The following KHDRBS2 variants were observed in gnomAD, a reference collection of about 807,000 sequenced individuals.
The protein encoded by KHDRBS2 is KH RNA binding domain containing, signal transduction associated 2.
In KHDRBS2, 26 loss-of-function variants were observed where a neutral mutation model predicts 44.3. The ratio of observed to expected loss-of-function variants is 0.59; its 90% CI spans 0.43 to 0.81. The LOEUF (loss-of-function observed/expected upper bound fraction) is 0.81, where lower values mean the gene tolerates loss of function less well. Ranked by LOEUF, KHDRBS2 falls within the 40% of genes least tolerant of loss-of-function variation. KHDRBS2 has a pLI of 0.00. For missense variants in KHDRBS2, 476 were observed against 433.1 expected (o/e 1.10, Z -0.88); for synonymous variants, 194 against 151.1 (o/e 1.28, Z -2.08).
At chr6:61,992,485 G>C (rs922651911) in intron 3 of KHDRBS2, among the ~76,000 whole-genome samples, 1 of 152,200 alleles carries the variant, frequency 6.6e-6, no homozygotes, top group Middle Eastern at 3.4e-3. Context: ...TCTTCTAAAT[G>C]ATATTAGTTC....
intron 1 of KHDRBS2, among the ~76,000 whole-genome samples, chr6:62,212,666 C>A (rs2150146107): frequency 6.6e-6 from 1 of 152,232 alleles, no homozygotes; most frequent in South Asian, 2.1e-4. Context: ...GATGCAACTA[C>A]ATGTCAAAGA....
At chr6:61,676,292 T>C (rs1476957471), downstream of KHDRBS2, among the ~76,000 whole-genome samples, 1 of 151,870 alleles carries the variant, frequency 6.6e-6, no homozygotes, top group Non-Finnish European at 1.5e-5. Flanking sequence ...TATAAATGTC[T>C]CTGCTATATA....
At chr6:61,827,791 AGT>A (rs1456773628) in intron 6 of KHDRBS2, among the ~76,000 whole-genome samples, 1 of 152,100 alleles carries the variant, frequency 6.6e-6, no homozygotes, top group East Asian at 1.9e-4. Context: ...CAGGCTCTCT[AGT>A]GTCTCTTCTT....
chr6:62,046,975 T>C (rs1290290273), intron 3 of KHDRBS2, among the ~76,000 whole-genome samples: 1 of 151,964 alleles, frequency 6.6e-6, no homozygotes, highest in Non-Finnish European at 1.5e-5. Flanking sequence ...TTATGTATGA[T>C]ATATTCACCA....
chr6:62,003,943 C>A (rs1207755059), intron 3 of KHDRBS2, among the ~76,000 whole-genome samples: 2 of 152,162 alleles, frequency 1.3e-5, no homozygotes, highest in African/African-American at 2.4e-5. Context: ...TACAGATGTT[C>A]TTTGAAACCA....
intron 3 of KHDRBS2, among the ~76,000 whole-genome samples, chr6:61,994,000 G>A (rs1420185319): frequency 6.6e-6 from 1 of 152,054 alleles, no homozygotes; most frequent in Non-Finnish European, 1.5e-5. Flanking sequence ...AGAAAGTAAA[G>A]TCAAGCCTGA....
chr6:61,577,142 G>GT, the KHDRBS2 span, among the ~76,000 whole-genome samples: 432 of 145,514 alleles, frequency 3.0e-3, 2 homozygotes, highest in African/African-American at 9.1e-3. Flanking sequence ...TGTTTTTTTT[G>GT]TTTTTTTTTT....
At chr6:61,729,773 C>T (rs965911404) in intron 7 of KHDRBS2, among the ~76,000 whole-genome samples, 1 of 151,744 alleles carries the variant, frequency 6.6e-6, no homozygotes, top group African/African-American at 2.4e-5. Context: ...ATTTTTTTGC[C>T]CATTTTTAAA....
At chr6:61,710,472 T>G (rs908264966) in intron 7 of KHDRBS2, among the ~76,000 whole-genome samples, 3 of 151,644 alleles carry the variant, frequency 2.0e-5, no homozygotes, top group African/African-American at 7.3e-5. Context: ...ACAAGTCCAT[T>G]TTCTATGTTT....
chr6:61,585,767 A>G, the KHDRBS2 span, among the ~76,000 whole-genome samples: 3 of 152,124 alleles, frequency 2.0e-5, no homozygotes, highest in Non-Finnish European at 2.9e-5. Flanking sequence ...CTTACCTCAC[A>G]TAGTTCATTG....
At chr6:61,852,303 C>T (rs566770552) in intron 6 of KHDRBS2, among the ~76,000 whole-genome samples, 1 of 150,036 alleles carries the variant, frequency 6.7e-6, no homozygotes, top group East Asian at 2.0e-4. Flanking sequence ...GATTTTTTCA[C>T]GCCTGTAATC....
intron 2 of KHDRBS2, among the ~76,000 whole-genome samples, chr6:62,056,518 T>TA (rs1790324559): frequency 6.6e-6 from 1 of 152,036 alleles, no homozygotes; most frequent in African/African-American, 2.4e-5. Context: ...GGTGATATTT[T>TA]AGACTTTGGT....
At chr6:62,199,103 T>C (rs949299759) in intron 1 of KHDRBS2, among the ~76,000 whole-genome samples, 3 of 152,290 alleles carry the variant, frequency 2.0e-5, no homozygotes, top group Non-Finnish European at 2.9e-5. Context: ...TAATAACAGC[T>C]GTCTATGACA....
intron 6 of KHDRBS2, among the ~76,000 whole-genome samples, chr6:61,840,627 A>G (rs1216324739): frequency 6.6e-6 from 1 of 152,056 alleles, no homozygotes; most frequent in Admixed American, 6.6e-5. Flanking sequence ...ACTGAGAGAG[A>G]GGGACAGTGA....
At chr6:61,592,965 A>T in the KHDRBS2 span, among the ~76,000 whole-genome samples, 1 of 152,186 alleles carries the variant, frequency 6.6e-6, no homozygotes, top group African/African-American at 2.4e-5. Context: ...ACACAAAGCT[A>T]GGCATCTATA....
chr6:61,571,657 A>G, the KHDRBS2 span, among the ~76,000 whole-genome samples: 2 of 152,138 alleles, frequency 1.3e-5, no homozygotes, highest in East Asian at 3.8e-4. Flanking sequence ...ACACCATATA[A>G]TAGGTCACAA....
At chr6:61,932,506 G>T (rs1045662356) in intron 4 of KHDRBS2, among the ~76,000 whole-genome samples, 1 of 152,084 alleles carries the variant, frequency 6.6e-6, no homozygotes, top group Non-Finnish European at 1.5e-5. Flanking sequence ...CCACGTAAGA[G>T]TGAAGTCATA....
chr6:61,909,655 C>T (rs558947832), intron 4 of KHDRBS2, among the ~76,000 whole-genome samples: 1 of 72,028 alleles, frequency 1.4e-5, no homozygotes, highest in African/African-American at 7.3e-5. Context: ...TCAGAGCAGA[C>T]AGATGTTTGG....
chr6:62,044,988 A>T (rs1787367932), intron 3 of KHDRBS2, among the ~76,000 whole-genome samples: 3 of 152,078 alleles, frequency 2.0e-5, no homozygotes. Context: ...GAGTAGGTAA[A>T]TATATAAATT....
Sources: gnomAD v4.1 joint callset for allele counts (sites outside exome capture counted in the v4.1 genomes callset) on GRCh38, gnomAD v4.1.1 for gene constraint, MANE v1.5 for transcripts, NCBI Gene and HGNC (gene_info 2026-07-23, HGNC 2026-07-21) for gene names.